The following PRKN variants were observed in gnomAD, a reference collection of about 807,000 sequenced individuals.
PRKN encodes parkin RBR E3 ubiquitin protein ligase, also known as E3 ubiquitin-protein ligase parkin.
Under a neutral mutation model 59.5 loss-of-function variants are expected in PRKN, and 56 were observed. The ratio of observed to expected loss-of-function variants is 0.94; its 90% CI spans 0.76 to 1.18. The LOEUF (loss-of-function observed/expected upper bound fraction) is 1.18. PRKN is among the 50% of genes most tolerant of loss of function. The probability of loss-of-function intolerance (pLI) is 0.00; values close to 1 mark genes in which losing one functional copy is unlikely to be tolerated. For missense variants in PRKN, 657 were observed against 596.4 expected, an observed-to-expected ratio of 1.10 and a Z score of -1.06; for synonymous variants, 250 against 222.1, an observed-to-expected ratio of 1.13 and a Z score of -1.12.
At chr6:162,612,108 G>A (rs1257759032) in intron 1 of PRKN, among the ~76,000 whole-genome samples, 11 of 149,252 alleles carry the variant, frequency 7.4e-5, no homozygotes, top group African/African-American at 2.5e-4. Flanking sequence ...CAGGAGAATG[G>A]CGTGAACCCG....
intron 5 of PRKN, among the ~76,000 whole-genome samples, chr6:162,034,058 A>G (rs944835265): frequency 6.6e-6 from 1 of 152,002 alleles, no homozygotes; most frequent in African/African-American, 2.4e-5. Context: ...AATGTTTGAA[A>G]GTTATGAAAA....
chr6:162,616,556 C>T (rs534311293), intron 1 of PRKN, among the ~76,000 whole-genome samples: 2 of 152,262 alleles, frequency 1.3e-5, no homozygotes, highest in South Asian at 2.1e-4. Flanking sequence ...TAACTCACTA[C>T]ACAGTTTTTA....
At chr6:162,185,660 C>T (rs1026866635) in intron 4 of PRKN, among the ~76,000 whole-genome samples, 10 of 152,150 alleles carry the variant, frequency 6.6e-5, no homozygotes, top group Non-Finnish European at 1.3e-4. Flanking sequence ...ATTTTCAGCT[C>T]TTCTTATCCT....
chr6:161,971,466 G>A (rs1429830706), intron 6 of PRKN, among the ~76,000 whole-genome samples: 1 of 152,216 alleles, frequency 6.6e-6, no homozygotes, highest in African/African-American at 2.4e-5. Flanking sequence ...TATCAGCGCA[G>A]TCAAGCCCTC....
At chr6:161,711,863 T>C (rs926096495) in intron 7 of PRKN, among the ~76,000 whole-genome samples, 1 of 152,190 alleles carries the variant, frequency 6.6e-6, no homozygotes, top group Admixed American at 6.5e-5. Flanking sequence ...ACTCTTGGAC[T>C]TAAACCAGTG....
intron 9 of PRKN, among the ~76,000 whole-genome samples, chr6:161,512,586 A>C (rs942603143): frequency 1.3e-5 from 2 of 152,138 alleles, no homozygotes; most frequent in African/African-American, 4.8e-5. Context: ...CTTGGACTGA[A>C]ATTCCTGGTG....
chr6:161,361,149 C>T lies in PRKN; in HGVS notation c.1168-944G>A, dbSNP rs1283285429. On this transcript the variant is annotated intron_variant, in intron 10 of 11. Coordinates refer to ENST00000366898, the MANE Select transcript of PRKN (RefSeq NM_004562.3). The surrounding 1 kb of genome is among the most constrained non-coding windows in gnomAD (Gnocchi z 5.2). ...TAAGGACCAGCCATTCGCTGATTAT[C>T]CCCAGATAAGATGCAGCATCACCAA... is the stretch of plus-strand genomic sequence containing the variant. 1.3e-5 allele frequency among the ~76,000 whole-genome samples: 2 copies of T among 152,174 alleles called. No individual in the cohort carries two copies. The highest frequency in any genetic ancestry group is 6.5e-5 in the Admixed American group (1 of 15,270).
At chr6:162,109,607 T>C (rs1780336588) in intron 4 of PRKN, among the ~76,000 whole-genome samples, 1 of 152,172 alleles carries the variant, frequency 6.6e-6, no homozygotes, top group African/African-American at 2.4e-5. Context: ...GTTTATGTGT[T>C]TGCAGTTTTC....
chr6:162,154,206 A>G (rs1367733746), intron 4 of PRKN, among the ~76,000 whole-genome samples: 1 of 152,162 alleles, frequency 6.6e-6, no homozygotes, highest in African/African-American at 2.4e-5. Flanking sequence ...AGACACCCGC[A>G]TCGCCTCTGC....
intron 8 of PRKN, among the ~76,000 whole-genome samples, chr6:161,565,610 C>T (rs1211309194): frequency 1.3e-5 from 2 of 152,172 alleles, no homozygotes; most frequent in Admixed American, 6.5e-5. Context: ...TACCTTGCTT[C>T]CCCTTCGCCT....
At chr6:162,675,949 A>G (rs1183584458) in intron 1 of PRKN, among the ~76,000 whole-genome samples, 1 of 152,230 alleles carries the variant, frequency 6.6e-6, no homozygotes. Context: ...GAAATAGACA[A>G]AAGTATGTGT....
chr6:162,618,738 C>T (rs2803047), intron 1 of PRKN, among the ~76,000 whole-genome samples: 93,224 of 152,120 alleles, frequency 0.61, 29,298 homozygotes, highest in African/African-American at 0.75. Context: ...ATGGGCTTTA[C>T]TGCCTTGAAA....
rs189658159 is a variant in PRKN, at chr6:161,462,418, C to T, written c.1084-75541G>A. On this transcript the variant is annotated intron_variant, in intron 9 of 11. Transcript: ENST00000366898. This position sits in a 1 kb window ranked among gnomAD's most constrained non-coding sequence, Gnocchi z 4.5. ...TTGGTATTCAGTTAATACTGTAGAA[C>T]GTGCTCTTCCATTACCTTGAAGCTA... Among the ~76,000 whole-genome samples the T allele has an allele frequency of 8.3e-4, 126 of 152,240 alleles. No individual in the cohort carries two copies. Among genetic ancestry groups the T allele is most frequent in the African/African-American group, 2.6e-3 (109 of 41,544 alleles).
chr6:161,567,026 T>TG (rs1304427173), intron 8 of PRKN, among the ~76,000 whole-genome samples: 16 of 113,920 alleles, frequency 1.4e-4, no homozygotes, highest in African/African-American at 5.6e-4. Flanking sequence ...GTCCTTGTTT[T>TG]TTTTTTTTTT....
At chr6:162,423,092 G>C (rs560905446) in intron 2 of PRKN, among the ~76,000 whole-genome samples, 1 of 151,386 alleles carries the variant, frequency 6.6e-6, no homozygotes, top group African/African-American at 2.4e-5. Flanking sequence ...AATTGGAATA[G>C]ACAATCATTT....
intron 2 of PRKN, among the ~76,000 whole-genome samples, chr6:162,324,829 A>T (rs1335640819): frequency 3.3e-5 from 5 of 152,144 alleles, no homozygotes; most frequent in African/African-American, 1.2e-4. Context: ...GGAAGAATAA[A>T]AATAAAAATA....
chr6:162,708,939 T>C lies in PRKN; in HGVS notation c.7+18723A>G, dbSNP rs1426753551. Among the ~76,000 whole-genome samples, 5 of 152,176 alleles carry C rather than the reference T, an allele frequency of 3.3e-5. No homozygotes were observed. The East Asian group carries it at 9.6e-4, about 29-fold the overall frequency. On this transcript the variant is annotated intron_variant, in intron 1 of 11. Transcript: ENST00000366898. ...TGTATTTACAGGTGCTCCCTATCACTTGCCTTACCACCTGAGCTCCACCTC... is the reference window on the plus strand; with the variant it reads ...TGTATTTACAGGTGCTCCCTATCACCTGCCTTACCACCTGAGCTCCACCTC...
chr6:162,267,372 G>A (rs1314616095), intron 2 of PRKN: 1 of 151,960 alleles, frequency 6.6e-6, no homozygotes, highest in African/African-American at 2.4e-5. Context: ...ATACAGTCCA[G>A]TTGTACAGCC....
intron 4 of PRKN, among the ~76,000 whole-genome samples, chr6:162,081,792 G>A (rs1018672721): frequency 1.3e-5 from 2 of 152,122 alleles, no homozygotes; most frequent in African/African-American, 4.8e-5. Flanking sequence ...GTCCTAGATA[G>A]CATCTTGTTC....
Sources: allele counts gnomAD v4.1 joint callset (sites outside exome capture counted in the v4.1 genomes callset), GRCh38; gene constraint gnomAD v4.1.1; non-coding constraint Gnocchi (gnomAD v3.1); transcripts MANE v1.5; gene names NCBI Gene and HGNC (gene_info 2026-07-23, HGNC 2026-07-21).